Variants in GALNTL6 observed in about 807,000 individuals in gnomAD.
GALNTL6 encodes the protein polypeptide N-acetylgalactosaminyltransferase like 6, also known as polypeptide N-acetylgalactosaminyltransferase-like 6.
In GALNTL6, 46 loss-of-function variants were observed where a neutral mutation model predicts 73.7. The ratio of observed to expected loss-of-function variants is 0.62; its 90% CI spans 0.49 to 0.80. GALNTL6 has a LOEUF of 0.80. Ranked by LOEUF, GALNTL6 falls within the 30% of genes least tolerant of loss-of-function variation. The pLI, the probability that GALNTL6 is intolerant of heterozygous loss-of-function variation, is 0.00. For missense variants in GALNTL6, 604 were observed against 755.0 expected, an observed-to-expected ratio of 0.80 and a Z score of 2.34; for synonymous variants, 259 against 263.7, an observed-to-expected ratio of 0.98 and a Z score of 0.17.
chr4:172,368,335 C>T (rs1168373324), intron 5 of GALNTL6, among the ~76,000 whole-genome samples: 1 of 152,108 alleles, frequency 6.6e-6, no homozygotes, highest in Non-Finnish European at 1.5e-5. Flanking sequence ...GAGCTGAGAT[C>T]ACGCCATTGC....
intron 5 of GALNTL6, among the ~76,000 whole-genome samples, chr4:172,681,057 T>C (rs1283419752): frequency 1.3e-5 from 2 of 152,132 alleles, no homozygotes; most frequent in African/African-American, 4.8e-5. Context: ...TTCCTTCTGA[T>C]TGAAGGGACC....
intron 4 of GALNTL6, among the ~76,000 whole-genome samples, chr4:172,331,137 T>C (rs530809932): frequency 4.7e-5 from 7 of 149,696 alleles, no homozygotes; most frequent in Admixed American, 3.9e-4. Context: ...TTTCTCATTG[T>C]TAGTTCATTT....
chr4:172,121,778 T>C lies in GALNTL6; in HGVS notation c.139-107878T>C, dbSNP rs552534222. ...AAGTGCTAGGCCAACATTACTCTCA[T>C]AGGGGTTGTACCTCTGGAAAAAATT... On this transcript the variant is annotated intron_variant, in intron 2 of 12. Transcript: ENST00000506823. Among the ~76,000 whole-genome samples the C allele has an allele frequency of 1.2e-4, 19 of 152,204 alleles. No homozygotes were observed. In the South Asian group the frequency reaches 3.7e-3, roughly 30 times the overall value.
intron 2 of GALNTL6, among the ~76,000 whole-genome samples, chr4:171,989,200 G>T (rs1236457628): frequency 6.6e-6 from 1 of 152,024 alleles, no homozygotes; most frequent in Non-Finnish European, 1.5e-5. Flanking sequence ...TGATTAAGAA[G>T]GGGACGGACT....
chr4:172,937,371 A>T (rs933629701), intron 9 of GALNTL6, among the ~76,000 whole-genome samples: 2 of 152,120 alleles, frequency 1.3e-5, no homozygotes, highest in African/African-American at 4.8e-5. Context: ...TGAGCTTTCC[A>T]TCTCAGCATC....
chr4:172,701,623 A>G (rs765138081), intron 5 of GALNTL6, among the ~76,000 whole-genome samples: 34 of 152,070 alleles, frequency 2.2e-4, no homozygotes, highest in African/African-American at 8.0e-4. Flanking sequence ...GGCGATTTCT[A>G]GTTATAATCG....
intron 2 of GALNTL6, among the ~76,000 whole-genome samples, chr4:171,895,782 T>C (rs1736895300): frequency 6.6e-6 from 1 of 152,154 alleles, no homozygotes. Context: ...AAAGTCACTA[T>C]TTTGACCATA....
chr4:172,921,793 CAAAAA>C (rs370693087), intron 8 of GALNTL6, among the ~76,000 whole-genome samples: 1 of 58,594 alleles, frequency 1.7e-5, no homozygotes, highest in Non-Finnish European at 3.6e-5. Context: ...GACCTTGTCT[CAAAAA>C]AAAAAAAAAA....
intron 7 of GALNTL6, among the ~76,000 whole-genome samples, chr4:172,843,521 T>C (rs1743331058): frequency 6.6e-6 from 1 of 152,130 alleles, no homozygotes; most frequent in African/African-American, 2.4e-5. Context: ...AAAGCCACAG[T>C]TTACTTTACT....
chr4:171,918,425 A>T (rs1737689579), intron 2 of GALNTL6, among the ~76,000 whole-genome samples: 1 of 152,128 alleles, frequency 6.6e-6, no homozygotes, highest in Admixed American at 6.6e-5. Context: ...CTTAAGAAAA[A>T]ATCTCATAAC....
chr4:173,015,964 G>A (rs544797394), intron 11 of GALNTL6, among the ~76,000 whole-genome samples: 21 of 152,308 alleles, frequency 1.4e-4, no homozygotes, highest in Admixed American at 5.2e-4. Context: ...ACACGGTGCC[G>A]TGTCCCAGCT....
intron 7 of GALNTL6, among the ~76,000 whole-genome samples, chr4:172,830,088 A>C (rs1446729418): frequency 6.6e-6 from 1 of 152,228 alleles, no homozygotes; most frequent in Non-Finnish European, 1.5e-5. Flanking sequence ...AGCTAACATA[A>C]TATAGTGAAT....
intron 2 of GALNTL6, among the ~76,000 whole-genome samples, chr4:171,906,688 C>G (rs951751760): frequency 2.0e-5 from 3 of 152,034 alleles, no homozygotes; most frequent in African/African-American, 7.2e-5. Context: ...AGAGACACAA[C>G]CAAAAAAGAG....
At chr4:172,096,924 G>A (rs747305031) in intron 2 of GALNTL6, among the ~76,000 whole-genome samples, 1 of 152,134 alleles carries the variant, frequency 6.6e-6, no homozygotes, top group Admixed American at 6.5e-5. Context: ...ACTAAATGCC[G>A]GTATGTAGAG....
rs542415258 is a variant in GALNTL6, at chr4:171,869,062, T to C, written c.138+54344T>C. ...ACAACTTCATGTAAACGGGAAGATA[T>C]AACAGGGTAGTAGAAAAATCTCAGG... On this transcript the variant is annotated intron_variant, in intron 2 of 12. Transcript: ENST00000506823. Among the ~76,000 whole-genome samples, 4 of 152,280 alleles carry C rather than the reference T, an allele frequency of 2.6e-5. No homozygotes were observed. In the South Asian group the frequency reaches 6.2e-4, roughly 24 times the overall value.
intron 5 of GALNTL6, among the ~76,000 whole-genome samples, chr4:172,617,086 C>T (rs969440295): frequency 6.6e-6 from 1 of 151,668 alleles, no homozygotes; most frequent in Non-Finnish European, 1.5e-5. Context: ...AAAATAGACA[C>T]ATTTTCTGGA....
At chr4:172,599,856 C>T (rs760270563) in intron 5 of GALNTL6, among the ~76,000 whole-genome samples, 1 of 152,018 alleles carries the variant, frequency 6.6e-6, no homozygotes, top group Non-Finnish European at 1.5e-5. Flanking sequence ...ATAATGGATT[C>T]CCCCACTCTC....
chr4:172,995,505 C>T (rs749324520), intron 10 of GALNTL6, among the ~76,000 whole-genome samples: 32 of 152,164 alleles, frequency 2.1e-4, no homozygotes, highest in Non-Finnish European at 4.1e-4. Context: ...CTGCTATTCC[C>T]GTAGATTCTT....
chr4:172,468,771 G>A (rs1401095043), intron 5 of GALNTL6, among the ~76,000 whole-genome samples: 1 of 152,140 alleles, frequency 6.6e-6, no homozygotes, highest in African/African-American at 2.4e-5. Context: ...TTGAGCGGGT[G>A]GGACTTAAAT....
Sources: allele counts gnomAD v4.1 joint callset (sites outside exome capture counted in the v4.1 genomes callset), GRCh38; gene constraint gnomAD v4.1.1; transcripts MANE v1.5; gene names NCBI Gene and HGNC (gene_info 2026-07-23, HGNC 2026-07-21).